FUT8: variants seen among roughly 807,000 people sequenced by gnomAD.
FUT8 encodes fucosyltransferase 8.
FUT8 carries 29 observed loss-of-function variants against 71.3 expected under a neutral mutation model. The ratio of observed to expected loss-of-function variants is 0.41; its 90% CI spans 0.30 to 0.55. FUT8 has a LOEUF of 0.55. Among genes scored for constraint, FUT8 ranks in the 20% least tolerant of loss-of-function variants. The pLI is 0.34. For synonymous variants in FUT8, 254 were observed against 239.3 expected (o/e 1.06, Z -0.57); for missense variants, 544 against 702.1 (o/e 0.77, Z 2.55).
chr14:65,357,547 G>A, the FUT8 span, among the ~76,000 whole-genome samples: 1 of 152,078 alleles, frequency 6.6e-6, no homozygotes, highest in Admixed American at 6.6e-5. Flanking sequence ...ATGATTTGAG[G>A]GCCCCCAACA....
chr14:65,360,201 A>C, the FUT8 span, among the ~76,000 whole-genome samples: 1 of 152,242 alleles, frequency 6.6e-6, no homozygotes, highest in Non-Finnish European at 1.5e-5. Context: ...GTAATTTTAC[A>C]AATCATGTTT....
At chr14:65,362,465 C>T in the FUT8 span, among the ~76,000 whole-genome samples, 1 of 151,564 alleles carries the variant, frequency 6.6e-6, no homozygotes, top group African/African-American at 2.4e-5. Flanking sequence ...TACTTGAGCC[C>T]AGGAGTTCGA....
rs1358951833 is a variant in FUT8 at position 65,439,987 on chromosome 14, T to TATATATATACAC, written c.-325-15630_-325-15629insATATACACATAT. ...ATATATATATATATATATATATATA[T>TATATATATACAC]ATATGTACACACACACAGTGGAATA... On this transcript the variant is annotated intron_variant, in intron 1 of 10. Coordinates refer to ENST00000673929, the MANE Select transcript of FUT8 (RefSeq NM_001371533.1). Among the ~76,000 whole-genome samples, 414 of 138,066 alleles carry TATATATATACAC rather than the reference T, an allele frequency of 3.0e-3. 8 individuals carry two copies. Among genetic ancestry groups the TATATATATACAC allele is most frequent in the African/African-American group, 0.011 (397 of 37,470 alleles). The allele number at this position is 138,066 out of a possible 152,430, so 90.6% of individuals were successfully genotyped here. A position where few individuals can be genotyped will look rare whatever the true frequency, so the allele number is the denominator to read the frequency against.
upstream of FUT8, among the ~76,000 whole-genome samples, chr14:65,405,893 G>A (rs534540927): frequency 1.6e-4 from 25 of 152,324 alleles, no homozygotes; most frequent in African/African-American, 5.8e-4. Context: ...CTGGAGGAAT[G>A]GGTTCATTGT....
rs1232620099 is a variant in FUT8 at position 65,489,576 on chromosome 14, A to G, written c.-228+33858A>G. Reference sequence around the variant, plus strand: ...TTTGTGATTAAAAAAATAGTTCCCTATTTGAATAATTGTCCAGGAAATTAG... The same window carrying G: ...TTTGTGATTAAAAAAATAGTTCCCTGTTTGAATAATTGTCCAGGAAATTAG... On this transcript the variant is annotated intron_variant, in intron 2 of 10. Coordinates refer to ENST00000673929, the MANE Select transcript of FUT8 (RefSeq NM_001371533.1). This position sits in a 1 kb window ranked among gnomAD's most constrained non-coding sequence, Gnocchi z 4.0. Among the ~76,000 whole-genome samples, 4 of 152,176 alleles carry G rather than the reference A, an allele frequency of 2.6e-5. No homozygotes were observed. Among genetic ancestry groups the G allele is most frequent in the African/African-American group, 7.2e-5 (3 of 41,462 alleles).
At chr14:65,524,241 T>G (rs1424302673) in intron 2 of FUT8, among the ~76,000 whole-genome samples, 1 of 152,220 alleles carries the variant, frequency 6.6e-6, no homozygotes, top group African/African-American at 2.4e-5. Context: ...TGTCCTCTTT[T>G]ATTTCATTGA....
intron 6 of FUT8, chr14:65,636,698 A>C (rs1890576750): frequency 6.6e-6 from 1 of 152,158 alleles, no homozygotes; most frequent in South Asian, 2.1e-4. Flanking sequence ...AGTCATATAT[A>C]GCTCAGTTGT....
intron 3 of FUT8, among the ~76,000 whole-genome samples, chr14:65,571,144 T>C (rs566065718): frequency 1.3e-5 from 2 of 152,250 alleles, no homozygotes; most frequent in South Asian, 4.1e-4. Context: ...CTCCTTTAAA[T>C]TTAATTTGGC....
intron 1 of FUT8, among the ~76,000 whole-genome samples, chr14:65,433,832 G>T: frequency 7.3e-6 from 1 of 137,336 alleles, no homozygotes; most frequent in South Asian, 3.0e-4. Context: ...GTGTTGCCCA[G>T]GTTGGAACAC....
chr14:65,478,356 C>T (rs2066279400), intron 2 of FUT8, among the ~76,000 whole-genome samples: 1 of 152,076 alleles, frequency 6.6e-6, no homozygotes, highest in South Asian at 2.1e-4. Flanking sequence ...ACCGACGTGA[C>T]ACTCTGAAGA....
intron 7 of FUT8, among the ~76,000 whole-genome samples, chr14:65,689,189 A>G (rs1055115412): frequency 2.6e-5 from 4 of 152,164 alleles, no homozygotes; most frequent in African/African-American, 7.2e-5. Flanking sequence ...ACTATTTCAG[A>G]TTTTAGCCAT....
chr14:65,599,885 T>G (rs1888207080), intron 3 of FUT8, among the ~76,000 whole-genome samples: 1 of 152,226 alleles, frequency 6.6e-6, no homozygotes, highest in South Asian at 2.1e-4. Context: ...GCTTAATACA[T>G]ATGCTCTAAC....
chr14:65,715,906 G>A (rs1895030150), intron 7 of FUT8, among the ~76,000 whole-genome samples: 1 of 151,736 alleles, frequency 6.6e-6, no homozygotes, highest in African/African-American at 2.4e-5. Flanking sequence ...GAGCCTGGGA[G>A]GCAGAGTCTG....
At chr14:65,522,783 G>A (rs1000928766) in intron 2 of FUT8, among the ~76,000 whole-genome samples, 1 of 139,362 alleles carries the variant, frequency 7.2e-6, no homozygotes, top group South Asian at 2.2e-4. Context: ...CCAAGTGTTC[G>A]CATTGTTCGG....
chr14:65,734,378 C>T (rs914953008), intron 10 of FUT8, among the ~76,000 whole-genome samples: 1 of 152,106 alleles, frequency 6.6e-6, no homozygotes, highest in African/African-American at 2.4e-5. Context: ...TACACATTGT[C>T]ATGATGGGAT....
chr14:65,663,392 G>T (rs1892063391), intron 6 of FUT8, among the ~76,000 whole-genome samples: 1 of 151,296 alleles, frequency 6.6e-6, no homozygotes, highest in South Asian at 2.1e-4. Flanking sequence ...TTCTAGATAC[G>T]TACTCTGATA....
intron 10 of FUT8, among the ~76,000 whole-genome samples, chr14:65,736,661 C>A (rs775046901): frequency 6.6e-6 from 1 of 151,936 alleles, no homozygotes. Flanking sequence ...TGAAATTAAT[C>A]TTCAGACTTT....
intron 2 of FUT8, among the ~76,000 whole-genome samples, chr14:65,506,352 TAAA>T (rs1303350104): frequency 1.3e-5 from 2 of 152,140 alleles, no homozygotes; most frequent in Non-Finnish European, 2.9e-5. Flanking sequence ...AAAAAAGAAG[TAAA>T]GAACACTATA....
At chr14:65,691,625 A>T (rs1002966953) in intron 7 of FUT8, among the ~76,000 whole-genome samples, 1 of 151,602 alleles carries the variant, frequency 6.6e-6, no homozygotes, top group African/African-American at 2.4e-5. Context: ...TTATTTATTG[A>T]TCATTCTTGG....
Sources: allele counts gnomAD v4.1 joint callset (sites outside exome capture counted in the v4.1 genomes callset), GRCh38; gene constraint gnomAD v4.1.1; non-coding constraint Gnocchi (gnomAD v3.1); transcripts MANE v1.5; gene names NCBI Gene and HGNC (gene_info 2026-07-23, HGNC 2026-07-21).